Variants in SCMH1 observed in about 807,000 individuals in gnomAD.
SCMH1 encodes Scm polycomb group protein homolog 1, also known as polycomb protein SCMH1.
Under a neutral mutation model 70.8 loss-of-function variants are expected in SCMH1, and 37 were observed. That is an observed-to-expected ratio of 0.52 (90% confidence interval 0.40 to 0.69). The LOEUF is 0.69. SCMH1 is among the 30% of genes least tolerant of loss of function. The pLI, the probability that SCMH1 is intolerant of heterozygous loss-of-function variation, is 0.00. For missense variants in SCMH1, 607 were observed against 827.3 expected (o/e 0.73, Z 3.27); for synonymous variants, 292 against 307.4 (o/e 0.95, Z 0.52).
chr1:41,154,060 T>C (rs1457173156), intron 4 of SCMH1, among the ~76,000 whole-genome samples: 1 of 152,234 alleles, frequency 6.6e-6, no homozygotes, highest in Non-Finnish European at 1.5e-5. Flanking sequence ...TAAATTAGCA[T>C]GGCTGTTCCA....
intron 10 of SCMH1, 65 bp downstream of exon 10, chr1:41,070,530 A>C (rs1260812833): frequency 1.3e-6 from 2 of 1,595,228 alleles, no homozygotes; most frequent in Non-Finnish European, 1.7e-6. Context: ...CTGGTGTAAG[A>C]CAAAAGAAAG....
intron 5 of SCMH1, among the ~76,000 whole-genome samples, chr1:41,147,967 T>C (rs1644733367): frequency 6.6e-6 from 1 of 152,198 alleles, no homozygotes; most frequent in South Asian, 2.1e-4. Context: ...TTGCTTTTTA[T>C]CCAATGTGCC....
intron 1 of SCMH1, among the ~76,000 whole-genome samples, chr1:41,223,794 A>G (rs1659740189): frequency 6.6e-6 from 1 of 152,172 alleles, no homozygotes; most frequent in African/African-American, 2.4e-5. Flanking sequence ...AATAACCTGC[A>G]AACATTTGGG....
In SCMH1 at chr1:41,058,486, T is replaced by C. The variant is rs565369098; in HGVS notation, c.1106-9596A>G. 2.2e-5 allele frequency among the ~76,000 whole-genome samples: 3 copies of C among 138,966 alleles called. No homozygotes were observed. The East Asian group carries it at 7.6e-4, about 35-fold the overall frequency. The allele number at this position is 138,966 out of a possible 152,430, so 91.2% of individuals were successfully genotyped here. On this transcript the variant is annotated intron_variant, in intron 10 of 14. Transcript: ENST00000337495. ...ACCTCCGCCTCCTGGGTTCAAGCAA[T>C]TCTCCTGCTTCAGCCTCCTGAGTTG... is the stretch of plus-strand genomic sequence containing the variant.
chr1:41,112,929 C>T (rs534150695), intron 8 of SCMH1, among the ~76,000 whole-genome samples: 60 of 152,220 alleles, frequency 3.9e-4, no homozygotes, highest in African/African-American at 9.9e-4. Context: ...TATCCAAAGC[C>T]CCTAAGGTCA....
chr1:41,199,445 T>C (rs747928627), intron 1 of SCMH1, among the ~76,000 whole-genome samples: 10 of 152,202 alleles, frequency 6.6e-5, no homozygotes, highest in Admixed American at 1.3e-4. Flanking sequence ...TTTTGTTTTG[T>C]GAGAGTCATC....
rs200541973 is a variant in SCMH1, at chr1:41,117,447, AGC to A, written c.413-439_413-438del. The stretch of plus-strand genomic sequence containing the variant: ...GCCAAGCGGACCGTGGTCTAGTGGT[AGC>A]GTCAGTGTCAAGGAAAAACACCCAT... On this transcript the variant is annotated intron_variant, in intron 6 of 14. Transcript: ENST00000337495. Among the ~76,000 whole-genome samples the A allele has an allele frequency of 3.8e-3, 584 of 152,222 alleles. 6 individuals carry two copies. The highest frequency in any genetic ancestry group is 0.013 in the African/African-American group (544 of 41,546).
intron 10 of SCMH1, among the ~76,000 whole-genome samples, chr1:41,067,664 T>C (rs892107162): frequency 4.6e-5 from 7 of 152,002 alleles, no homozygotes; most frequent in Non-Finnish European, 8.8e-5. Context: ...GGAGGATGAA[T>C]AGGCAGAGAC....
intron 10 of SCMH1, among the ~76,000 whole-genome samples, chr1:41,050,198 T>G (rs574141232): frequency 6.6e-6 from 1 of 152,056 alleles, no homozygotes; most frequent in African/African-American, 2.4e-5. Flanking sequence ...GTCTCTGGAG[T>G]TGTTCTCTCC....
chr1:41,134,291 A>G (rs930082531), intron 6 of SCMH1, among the ~76,000 whole-genome samples: 1 of 152,214 alleles, frequency 6.6e-6, no homozygotes, highest in Non-Finnish European at 1.5e-5. Context: ...TCTCAAAATA[A>G]TAAGAGCTAT....
At chr1:41,138,736 A>G (rs1306881681) in intron 6 of SCMH1, among the ~76,000 whole-genome samples, 1 of 152,062 alleles carries the variant, frequency 6.6e-6, no homozygotes, top group Non-Finnish European at 1.5e-5. Context: ...ATCTGCCAAG[A>G]CTTGTTTAAC....
chr1:41,126,981 T>C (rs908013089), intron 6 of SCMH1, among the ~76,000 whole-genome samples: 1 of 152,170 alleles, frequency 6.6e-6, no homozygotes, highest in Non-Finnish European at 1.5e-5. Context: ...CCATTCTGCA[T>C]GTCCCCAGCA....
chr1:41,084,550 C>A (rs184402306), intron 8 of SCMH1, among the ~76,000 whole-genome samples: 3,766 of 152,050 alleles, frequency 0.025, 152 homozygotes, highest in African/African-American at 0.087. Context: ...TAGTTCAACC[C>A]TTGTGGAAGT....
chr1:41,231,314 T>A (rs1661254837), intron 1 of SCMH1, among the ~76,000 whole-genome samples: 1 of 152,212 alleles, frequency 6.6e-6, no homozygotes, highest in Admixed American at 6.5e-5. Context: ...ATTAGGCACA[T>A]CATTTTATGA....
chr1:41,049,766 C>CAAAA (rs11400346), intron 10 of SCMH1, among the ~76,000 whole-genome samples: 3 of 123,234 alleles, frequency 2.4e-5, no homozygotes, highest in Non-Finnish European at 3.3e-5. Flanking sequence ...GAATTGGTCT[C>CAAAA]AAAAAAAAAA....
chr1:41,200,217 C>T (rs1381491714), intron 1 of SCMH1, among the ~76,000 whole-genome samples: 2 of 152,080 alleles, frequency 1.3e-5, no homozygotes, highest in African/African-American at 2.4e-5. Context: ...GTGGCTCATG[C>T]CTGTAATCCC....
At chr1:41,093,693 G>A (rs1197399545) in intron 8 of SCMH1, among the ~76,000 whole-genome samples, 2 of 151,988 alleles carry the variant, frequency 1.3e-5, no homozygotes, top group African/African-American at 4.8e-5. Context: ...GTTTCACTGA[G>A]TTATACAGAT....
chr1:41,172,711 C>T (rs1404592702), intron 2 of SCMH1, among the ~76,000 whole-genome samples: 1 of 152,070 alleles, frequency 6.6e-6, no homozygotes, highest in Non-Finnish European at 1.5e-5. Flanking sequence ...GTAAACAAAA[C>T]ACCACAGTAC....
chr1:41,121,086 C>G (rs1011641749), intron 6 of SCMH1, among the ~76,000 whole-genome samples: 1 of 152,146 alleles, frequency 6.6e-6, no homozygotes, highest in African/African-American at 2.4e-5. Flanking sequence ...TGGAAAATTA[C>G]AAAACCTCTC....
Sources: gnomAD v4.1 joint callset for allele counts (sites outside exome capture counted in the v4.1 genomes callset) on GRCh38, gnomAD v4.1.1 for gene constraint, MANE v1.5 for transcripts, NCBI Gene and HGNC (gene_info 2026-07-23, HGNC 2026-07-21) for gene names.